Variants in SLC22A7 observed in about 807,000 individuals in gnomAD.
SLC22A7 encodes the protein hOAT2.
A neutral mutation model predicts 62.2 loss-of-function variants in SLC22A7; 48 were observed. That is an observed-to-expected ratio of 0.77 (90% CI 0.61 to 0.98). SLC22A7 has a LOEUF of 0.98. Among genes scored for constraint, SLC22A7 ranks in the 50% least tolerant of loss-of-function variants. SLC22A7 has a pLI of 0.00. For missense variants in SLC22A7, 581 were observed against 703.8 expected, an observed-to-expected ratio of 0.83 and a Z score of 1.97; for synonymous variants, 276 against 314.8, an observed-to-expected ratio of 0.88 and a Z score of 1.30.
intron 6 of SLC22A7, 125 bp from the exon 7 acceptor site, chr6:43,301,458 C>A: frequency 9.8e-7 from 1 of 1,024,278 alleles, no homozygotes. Flanking sequence ...TCTCAGCTGC[C>A]ATGAGCATCT....
At chr6:43,300,838 T>C (rs969548383) in intron 5 of SLC22A7, among the ~76,000 whole-genome samples, 1 of 152,174 alleles carries the variant, frequency 6.6e-6, no homozygotes, top group African/African-American at 2.4e-5. Context: ...GGTCTTGCCA[T>C]GATGCCCAGG....
chr6:43,298,115 G>C, upstream of SLC22A7: 1 of 496,328 alleles, frequency 2.0e-6, no homozygotes, highest in Non-Finnish European at 3.5e-6. Flanking sequence ...CCACGAGCCA[G>C]TGACCTCTGA....
chr6:43,301,070 A>G (rs1209931704), intron 5 of SLC22A7, 65 bp from the exon 6 acceptor site: 2 of 1,601,004 alleles, frequency 1.2e-6, no homozygotes, highest in African/African-American at 1.3e-5. Flanking sequence ...AGCCTGTAGT[A>G]TGTCCAGGAA....
intron 5 of SLC22A7, 28 bp downstream of exon 5, chr6:43,300,094 G>C: frequency 6.2e-7 from 1 of 1,609,828 alleles, no homozygotes; most frequent in Non-Finnish European, 8.5e-7. Context: ...CTGGGGAGCG[G>C]GAGATACAGG....
At chr6:43,297,568 T>A (rs1349796505), upstream of SLC22A7, among the ~76,000 whole-genome samples, 1 of 152,098 alleles carries the variant, frequency 6.6e-6, no homozygotes, top group Non-Finnish European at 1.5e-5. Context: ...AAGGTAATCT[T>A]AGGCATTGCA....
intron 9 of SLC22A7, among the ~76,000 whole-genome samples, chr6:43,303,447 C>G (rs968887082): frequency 2.0e-5 from 3 of 151,892 alleles, no homozygotes; most frequent in African/African-American, 7.3e-5. Context: ...GCGAGAAACT[C>G]TGTCTCAAAT....
At position 43,305,537 on chromosome 6, in the gene SLC22A7, T is replaced by C; in HGVS notation, c.*812T>C. ...ATTCAATAAACACAAGTTTTATGAG[T>C]ACCTTGAAGCTCCAGAATGTGCTGG... On this transcript the variant is annotated 3_prime_UTR_variant, in exon 11 of 11. Transcript: ENST00000372585. The C allele has an allele frequency of 2.0e-6, 1 of 509,010 alleles. No homozygotes were observed. Among genetic ancestry groups the C allele is most frequent in the Non-Finnish European group, 3.5e-6 (1 of 285,930 alleles). 31.5% of individuals were successfully genotyped at this position (509,010 alleles called of 1,614,324 possible).
Position 43,304,904 on chromosome 6 carries a change from C to T in SLC22A7, c.*179C>T, listed in dbSNP as rs544942184. On this transcript the variant is annotated 3_prime_UTR_variant, in exon 11 of 11. Transcript: ENST00000372585. Reference sequence around the variant, plus strand: ...TTATTTGGCTTCTAGGAACAGTTGACTTCCCAGAATGCAGTGGGCTGCTGG... The same window carrying T: ...TTATTTGGCTTCTAGGAACAGTTGATTTCCCAGAATGCAGTGGGCTGCTGG... 1.7e-5 allele frequency: 8 copies of T among 478,688 alleles called. No individual in the cohort carries two copies. Among genetic ancestry groups the T allele is most frequent in the Non-Finnish European group, 2.9e-5 (8 of 271,818 alleles). 29.7% of individuals were successfully genotyped at this position (478,688 alleles called of 1,614,324 possible).
intron 7 of SLC22A7, among the ~76,000 whole-genome samples, chr6:43,301,900 T>TAAGC (rs1407000207): frequency 3.3e-5 from 5 of 152,150 alleles, no homozygotes; most frequent in African/African-American, 1.2e-4. Flanking sequence ...AGACTCCCAC[T>TAAGC]TCCTTACTTG....
At chr6:43,303,897 C>A (rs767532888) in intron 9 of SLC22A7, 141 bp from the exon 10 acceptor site, 1 of 676,180 alleles carries the variant, frequency 1.5e-6, no homozygotes, top group Non-Finnish European at 2.3e-6. Context: ...GGAAGACCAA[C>A]TGAAAGAAGT....
chr6:43,298,432 C>A lies in SLC22A7; in HGVS notation c.74C>A (p.Ala25Asp). The change falls in exon 1 of 11, where the codon GCC (alanine) becomes GAC (aspartate). Residue 25 changes from alanine (A) to aspartate (D), a missense_variant. Physicochemically the swap from Ala to Asp is moderately radical, Grantham distance 126. Coordinates refer to ENST00000372585, the MANE Select transcript of SLC22A7 (RefSeq NM_153320.2). ...CAACTGCGGAATGTGGCACTGCTGG[C>A]CCTGCCCCGAGTGCTGCTACCACTG... ...PFQLRNVALL[A>D]LPRVLLPLHF... is the part of the protein sequence containing the mutation. 1 of 1,614,068 alleles carries A rather than the reference C, an allele frequency of 6.2e-7. No homozygotes were observed. Among genetic ancestry groups the A allele is most frequent in the Non-Finnish European group, 8.5e-7 (1 of 1,180,028 alleles).
intron 1 of SLC22A7, 97 bp downstream of exon 1, chr6:43,298,848 C>G: frequency 6.8e-7 from 1 of 1,477,412 alleles, no homozygotes; most frequent in Non-Finnish European, 9.1e-7. Flanking sequence ...TACTTTACCT[C>G]TTAAAGTCTC....
chr6:43,296,417 G>C (rs190130602), upstream of SLC22A7, among the ~76,000 whole-genome samples: 4 of 152,376 alleles, frequency 2.6e-5, no homozygotes, highest in Admixed American at 2.0e-4. Flanking sequence ...GGAGCCACTG[G>C]ATGGGACATG....
At chr6:43,301,493 G>A in intron 6 of SLC22A7, 90 bp from the exon 7 acceptor site, 2 of 1,118,776 alleles carry the variant, frequency 1.8e-6, no homozygotes, top group Non-Finnish European at 2.7e-6. Flanking sequence ...GCAGATGGGA[G>A]GAATAGAGAG....
intron 6 of SLC22A7, 88 bp downstream of exon 6, chr6:43,301,346 A>G (rs1485511334): frequency 1.3e-6 from 2 of 1,569,274 alleles, no homozygotes; most frequent in African/African-American, 2.7e-5. Flanking sequence ...AGCCCACCAT[A>G]TATGGCAGGA....
At chr6:43,301,390 T>C in intron 6 of SLC22A7, 132 bp downstream of exon 6, 2 of 1,355,316 alleles carry the variant, frequency 1.5e-6, no homozygotes, top group Non-Finnish European at 2.0e-6. Flanking sequence ...AGTTCCGAAC[T>C]CTTTAGGATG....
chr6:43,305,481 A>G lies in SLC22A7; in HGVS notation c.*756A>G. On this transcript the variant is annotated 3_prime_UTR_variant, in exon 11 of 11. Coordinates refer to ENST00000372585, the MANE Select transcript of SLC22A7 (RefSeq NM_153320.2). The stretch of plus-strand genomic sequence containing the variant: ...AGAAGAGTTGAAGGCATGGGAGCCA[A>G]CATTTTATTGAAGAAGCCACAGAGG... 8.0e-6 allele frequency: 3 copies of G among 375,332 alleles called. No individual in the cohort carries two copies. The highest frequency in any genetic ancestry group is 8.0e-5 in the South Asian group (3 of 37,634). 23.3% of individuals were successfully genotyped at this position (375,332 alleles called of 1,614,324 possible). A position where few individuals can be genotyped will look rare whatever the true frequency, so the allele number is the denominator to read the frequency against.
chr6:43,304,766 G>C lies in SLC22A7; in HGVS notation c.*41G>C. On this transcript the variant is annotated 3_prime_UTR_variant, in exon 11 of 11. Coordinates refer to ENST00000372585, the MANE Select transcript of SLC22A7 (RefSeq NM_153320.2). ...GGCCCTCCACAGAAGCTCTGCAGCA[G>C]GGGCTGGGAGAGCAGAAGGGCAGGC... 6.8e-7 allele frequency: 1 copy of C among 1,473,070 alleles called. No homozygotes were observed. The highest frequency in any genetic ancestry group is 1.4e-5 in the African/African-American group (1 of 70,344). 91.2% of individuals were successfully genotyped at this position (1,473,070 alleles called of 1,614,324 possible). A position where few individuals can be genotyped will look rare whatever the true frequency, so the allele number is the denominator to read the frequency against.
Position 43,298,374 on chromosome 6 carries a change from C to G in SLC22A7, c.16C>G (p.Leu6Val), listed in dbSNP as rs1196182957. ...GGTGAGCAGCATGGGCTTTGAGGAGCTGCTGGAGCAGGTGGGCGGCTTTGG... is the reference window on the plus strand; with the variant it reads ...GGTGAGCAGCATGGGCTTTGAGGAGGTGCTGGAGCAGGTGGGCGGCTTTGG... MGFEELLEQVGGFGPF... is the reference protein window; with the variant it reads MGFEEVLEQVGGFGPF... Residue 6 changes from leucine (L) to valine (V), a missense_variant, in exon 1 of 11, where the codon CTG becomes GTG. By Grantham distance (32) the Leu-to-Val change is conservative (BLOSUM62 1). Transcript: ENST00000372585. The G allele has an allele frequency of 1.2e-6, 2 of 1,611,912 alleles. No individual in the cohort carries two copies. The highest frequency in any genetic ancestry group is 4.5e-5 in the East Asian group (2 of 44,862).
Sources: allele counts gnomAD v4.1 joint callset (sites outside exome capture counted in the v4.1 genomes callset), GRCh38; gene constraint gnomAD v4.1.1; transcripts MANE v1.5; gene names NCBI Gene and HGNC (gene_info 2026-07-23, HGNC 2026-07-21).